The following SUMO2 variants were observed in gnomAD, a reference collection of about 807,000 sequenced individuals.
The protein encoded by SUMO2 is small ubiquitin like modifier 2.
A neutral mutation model predicts 16.0 loss-of-function variants in SUMO2; 1 was observed. The observed-to-expected ratio is 0.06, with a 90% CI of 0.02 to 0.30. The LOEUF (loss-of-function observed/expected upper bound fraction) is 0.30. SUMO2 is among the 10% of genes least tolerant of loss of function. The pLI, the probability that SUMO2 is intolerant of heterozygous loss-of-function variation, is 1.00. For synonymous variants in SUMO2, 36 were observed against 40.6 expected, an observed-to-expected ratio of 0.89 and a Z score of 0.43; for missense variants, 16 against 117.5, an observed-to-expected ratio of 0.14 and a Z score of 3.99.
intron 2 of SUMO2, 71 bp downstream of exon 2, chr17:75,180,981 CTAGTT>C: frequency 1.3e-6 from 2 of 1,562,236 alleles, no homozygotes; most frequent in South Asian, 1.1e-5. Context: ...ATGTGCTAGT[CTAGTT>C]TTTGTTCCCA....
intron 2 of SUMO2, among the ~76,000 whole-genome samples, chr17:75,175,040 G>T (rs1353720218): frequency 6.6e-6 from 1 of 152,078 alleles, no homozygotes; most frequent in African/African-American, 2.4e-5. Flanking sequence ...GAAGTGCAGT[G>T]GCGTGATCTC....
At chr17:75,173,562 C>A (rs989114167) in intron 3 of SUMO2, among the ~76,000 whole-genome samples, 2 of 151,780 alleles carry the variant, frequency 1.3e-5, no homozygotes, top group African/African-American at 4.8e-5. Flanking sequence ...GCAGCCTCCA[C>A]TTCCTGGGCT....
chr17:75,171,025 G>A (rs893644112), intron 3 of SUMO2, among the ~76,000 whole-genome samples: 13 of 149,538 alleles, frequency 8.7e-5, no homozygotes, highest in Admixed American at 5.3e-4. Context: ...CAGCCAACTC[G>A]GTGCACTGAC....
At chr17:75,168,769 A>AT (rs368228042) in intron 3 of SUMO2, among the ~76,000 whole-genome samples, 1 of 151,828 alleles carries the variant, frequency 6.6e-6, no homozygotes, top group Non-Finnish European at 1.5e-5. Context: ...TGCCCAGCTA[A>AT]TTTTTTTGTA....
chr17:75,174,117 G>A lies in SUMO2; in HGVS notation c.225+635C>T, dbSNP rs562610913. ...AAATGGTGAGGATTTGGCTGGGTGC[G>A]GTGGCTCACACCTGTCAATCCCAAC... On this transcript the variant is annotated intron_variant, in intron 3 of 3. Coordinates refer to ENST00000420826, the MANE Select transcript of SUMO2 (RefSeq NM_006937.4). Among the ~76,000 whole-genome samples, 12 of 152,224 alleles carry A rather than the reference G, an allele frequency of 7.9e-5. No individual in the cohort carries two copies. In the East Asian group the frequency reaches 9.6e-4, roughly 12 times the overall value.
At chr17:75,179,645 T>G (rs919638561) in intron 2 of SUMO2, among the ~76,000 whole-genome samples, 1 of 151,804 alleles carries the variant, frequency 6.6e-6, no homozygotes, top group Non-Finnish European at 1.5e-5. Context: ...TAAAAATACT[T>G]CAAACATTCT....
chr17:75,181,284 G>T, intron 1 of SUMO2, 96 bp from the exon 2 acceptor site: 2 of 1,308,020 alleles, frequency 1.5e-6, no homozygotes, highest in Non-Finnish European at 2.1e-6. Context: ...AAAATCAACA[G>T]GTTTCTCATA....
At chr17:75,168,607 C>A (rs927436904) in intron 3 of SUMO2, among the ~76,000 whole-genome samples, 1 of 151,150 alleles carries the variant, frequency 6.6e-6, no homozygotes, top group Non-Finnish European at 1.5e-5. Context: ...TTAGATAAAA[C>A]TTTTTTGTTT....
chr17:75,179,397 G>A (rs775247760), intron 2 of SUMO2, among the ~76,000 whole-genome samples: 4 of 151,828 alleles, frequency 2.6e-5, no homozygotes, highest in African/African-American at 9.7e-5. Flanking sequence ...GCGTGGTGGC[G>A]TGCGCCCGTA....
At chr17:75,168,649 C>T (rs1230791996) in intron 3 of SUMO2, among the ~76,000 whole-genome samples, 1 of 151,970 alleles carries the variant, frequency 6.6e-6, no homozygotes, top group Non-Finnish European at 1.5e-5. Flanking sequence ...GTCACCCAGG[C>T]TGGACTGCAG....
At chr17:75,179,143 T>C (rs888693293) in intron 2 of SUMO2, among the ~76,000 whole-genome samples, 1 of 152,204 alleles carries the variant, frequency 6.6e-6, no homozygotes, top group Non-Finnish European at 1.5e-5. Flanking sequence ...GGGGCACTAG[T>C]GTTCAAATAT....
At chr17:75,175,430 C>A (rs2074774669) in intron 2 of SUMO2, among the ~76,000 whole-genome samples, 1 of 151,530 alleles carries the variant, frequency 6.6e-6, no homozygotes, top group South Asian at 2.1e-4. Context: ...AAGCAATTTT[C>A]CTGCCTCAGC....
chr17:75,173,062 C>T (rs944276192), intron 3 of SUMO2, among the ~76,000 whole-genome samples: 3 of 152,196 alleles, frequency 2.0e-5, no homozygotes, highest in Admixed American at 6.6e-5. Flanking sequence ...CCACATTTAT[C>T]ACTTTCTAGT....
chr17:75,173,982 A>G (rs1004207641), intron 3 of SUMO2, among the ~76,000 whole-genome samples: 1 of 152,192 alleles, frequency 6.6e-6, no homozygotes, highest in Non-Finnish European at 1.5e-5. Flanking sequence ...TCCTATTATC[A>G]GGGGCTCTCC....
chr17:75,180,420 A>G (rs1034012944), intron 2 of SUMO2, among the ~76,000 whole-genome samples: 1 of 138,784 alleles, frequency 7.2e-6, no homozygotes, highest in African/African-American at 2.8e-5. Flanking sequence ...AAAAAAAAAA[A>G]ACGACTTCTT....
At chr17:75,180,613 G>A (rs1451579300) in intron 2 of SUMO2, among the ~76,000 whole-genome samples, 1 of 151,896 alleles carries the variant, frequency 6.6e-6, no homozygotes, top group African/African-American at 2.4e-5. Flanking sequence ...AGATACTCAG[G>A]AGACTGAGGC....
chr17:75,172,184 G>A lies in SUMO2; in HGVS notation c.225+2568C>T, dbSNP rs531945063. On this transcript the variant is annotated intron_variant, in intron 3 of 3. Transcript: ENST00000420826. ...ATTACAGGTGAGCACCACCATGCCC[G>A]GCTAATTTTTGTATTTTTAGTAGAG... Among the ~76,000 whole-genome samples the A allele has an allele frequency of 9.5e-4, 144 of 151,806 alleles. No homozygotes were observed. The South Asian group carries it at 0.028, about 30-fold the overall frequency.
intron 2 of SUMO2, among the ~76,000 whole-genome samples, chr17:75,180,142 T>C (rs2074815399): frequency 7.2e-6 from 1 of 138,356 alleles, no homozygotes; most frequent in Admixed American, 7.3e-5. Context: ...GGAGTTGAGG[T>C]CAGGTCTACT....
rs1473256318 is a variant in SUMO2, at chr17:75,169,087, C to T, written c.226-686G>A. Among the ~76,000 whole-genome samples, 3 of 151,432 alleles carry T rather than the reference C, an allele frequency of 2.0e-5. No homozygotes were observed. In the East Asian group the frequency reaches 5.8e-4, roughly 29 times the overall value. The stretch of plus-strand genomic sequence containing the variant: ...AAAAAGGAAAAAAAAAAAAAATTAG[C>T]CAGCCATGGTGACACATGTCCATAC... On this transcript the variant is annotated intron_variant, in intron 3 of 3. Coordinates refer to ENST00000420826, the MANE Select transcript of SUMO2 (RefSeq NM_006937.4).
Sources: gnomAD v4.1 joint callset for allele counts (sites outside exome capture counted in the v4.1 genomes callset) on GRCh38, gnomAD v4.1.1 for gene constraint, MANE v1.5 for transcripts, NCBI Gene and HGNC (gene_info 2026-07-23, HGNC 2026-07-21) for gene names.